Variants in NCKAP5 observed in about 807,000 individuals in gnomAD.
NCKAP5 encodes NCK associated protein 5, also known as nck-associated protein 5.
A neutral mutation model predicts 167.0 loss-of-function variants in NCKAP5; 92 were observed. The ratio of observed to expected loss-of-function variants is 0.55; its 90% CI spans 0.47 to 0.66. The LOEUF is 0.66. Ranked by LOEUF, NCKAP5 falls within the 30% of genes least tolerant of loss-of-function variation. The pLI, the probability that NCKAP5 is intolerant of heterozygous loss-of-function variation, is 0.00. For missense variants in NCKAP5, 2,378 were observed against 2,315.0 expected (o/e 1.03, Z -0.56); for synonymous variants, 891 against 877.4 (o/e 1.02, Z -0.27).
chr2:133,181,569 C>T (rs1325957996), intron 5 of NCKAP5, among the ~76,000 whole-genome samples: 1 of 141,038 alleles, frequency 7.1e-6, no homozygotes, highest in Non-Finnish European at 1.5e-5. Context: ...GGGTTCAGGG[C>T]CAGCCTCAGC....
At chr2:132,879,005 C>T in intron 8 of NCKAP5, 89 bp from the exon 9 acceptor site, 1 of 988,598 alleles carries the variant, frequency 1.0e-6, no homozygotes, top group South Asian at 1.3e-5. Context: ...AAATATATCT[C>T]CTCGTGATCC....
At chr2:133,599,270 A>AG in the NCKAP5 span, among the ~76,000 whole-genome samples, 1 of 152,318 alleles carries the variant, frequency 6.6e-6, no homozygotes, top group East Asian at 1.9e-4. Context: ...TGACAGTGAC[A>AG]TCCTAGAAGG....
intron 8 of NCKAP5, among the ~76,000 whole-genome samples, chr2:132,959,030 A>G: frequency 6.8e-6 from 1 of 147,584 alleles, no homozygotes; most frequent in East Asian, 1.9e-4. Context: ...TAATATATTT[A>G]CTATTATTAA....
chr2:133,519,367 A>T (rs1279679703), intron 2 of NCKAP5, among the ~76,000 whole-genome samples: 5 of 152,252 alleles, frequency 3.3e-5, no homozygotes, highest in African/African-American at 1.2e-4. Context: ...AGTATTTTTC[A>T]GAAAAGAAGT....
chr2:133,273,293 C>G (rs527947594), intron 4 of NCKAP5, among the ~76,000 whole-genome samples: 2 of 152,054 alleles, frequency 1.3e-5, no homozygotes, highest in Admixed American at 1.3e-4. Flanking sequence ...TGGCTAATGA[C>G]GTTCAGTATC....
At chr2:133,280,581 G>A (rs2150461070) in intron 4 of NCKAP5, among the ~76,000 whole-genome samples, 1 of 152,190 alleles carries the variant, frequency 6.6e-6, no homozygotes, top group East Asian at 1.9e-4. Context: ...GGATGGCTTA[G>A]AAGGACATGG....
intron 19 of NCKAP5, among the ~76,000 whole-genome samples, chr2:132,678,099 C>A (rs959321605): frequency 2.6e-5 from 4 of 151,820 alleles, no homozygotes; most frequent in Admixed American, 1.3e-4. Context: ...AGATATGGAC[C>A]CTTGCCATAA....
chr2:133,610,316 G>C, the NCKAP5 span, among the ~76,000 whole-genome samples: 1 of 152,100 alleles, frequency 6.6e-6, no homozygotes, highest in Admixed American at 6.6e-5. Flanking sequence ...CAATAAACTG[G>C]GCTCAGATGA....
At chr2:132,707,431 G>A in intron 19 of NCKAP5, among the ~76,000 whole-genome samples, 1 of 152,326 alleles carries the variant, frequency 6.6e-6, no homozygotes, top group East Asian at 1.9e-4. Flanking sequence ...GGCAGTCTGG[G>A]CCTCAAGGAC....
Position 133,524,203 on chromosome 2 carries a change from G to T in NCKAP5, c.-61-6616C>A, listed in dbSNP as rs563190937. ...TGGAACACCAGTTTAGGAAGGTGAA[G>T]ATGTCAGTCTTTTCTTGATCTCCGT... is the stretch of plus-strand genomic sequence containing the variant. On this transcript the variant is annotated intron_variant, in intron 2 of 19. Transcript: ENST00000409261. Among the ~76,000 whole-genome samples, 129 of 152,266 alleles carry T rather than the reference G, an allele frequency of 8.5e-4. 1 individual carries two copies. Among genetic ancestry groups the T allele is most frequent in the African/African-American group, 2.9e-3 (121 of 41,548 alleles).
chr2:133,605,358 T>C, the NCKAP5 span, among the ~76,000 whole-genome samples: 1 of 152,152 alleles, frequency 6.6e-6, no homozygotes, highest in Non-Finnish European at 1.5e-5. Context: ...TTGTGTGGTC[T>C]GGGGAGGGCA....
rs114750057 is a variant in NCKAP5 at position 133,381,296 on chromosome 2, A to G, written c.70-78186T>C. On this transcript the variant is annotated intron_variant, in intron 3 of 19. Coordinates refer to ENST00000409261, the MANE Select transcript of NCKAP5 (RefSeq NM_207363.3). ...ACCAGAATCCTTCTCAATGGATATC[A>G]CAGGTACTCATGTCTCATGAATCAA... Among the ~76,000 whole-genome samples, 349 of 152,312 alleles carry G rather than the reference A, an allele frequency of 2.3e-3. 3 individuals are homozygous for G. Among genetic ancestry groups the G allele is most frequent in the African/African-American group, 7.6e-3 (315 of 41,574 alleles).
intron 7 of NCKAP5, among the ~76,000 whole-genome samples, chr2:132,989,121 G>A (rs1255558238): frequency 6.6e-6 from 1 of 152,198 alleles, no homozygotes; most frequent in East Asian, 1.9e-4. Context: ...AGTGCAGAAG[G>A]TAGCTATGGA....
intron 4 of NCKAP5, among the ~76,000 whole-genome samples, chr2:133,223,268 A>C (rs899211752): frequency 1.3e-5 from 2 of 152,190 alleles, no homozygotes; most frequent in Non-Finnish European, 2.9e-5. Flanking sequence ...AGAAGATTCA[A>C]TTAATCATCA....
chr2:132,794,245 TATATATATATATATATATAGAGAGAG>T (rs1237775383), intron 12 of NCKAP5, among the ~76,000 whole-genome samples: 38 of 59,888 alleles, frequency 6.3e-4, no homozygotes, highest in African/African-American at 2.3e-3. Context: ...TATATATATA[TATATATATATATATATATAGAGAGAG>T]AGAGAGAGAG....
chr2:133,517,888 C>A (rs931022487), intron 2 of NCKAP5, among the ~76,000 whole-genome samples: 2 of 152,158 alleles, frequency 1.3e-5, no homozygotes, highest in African/African-American at 4.8e-5. Flanking sequence ...TTGCTCCACA[C>A]CCGTCCTCTC....
intron 6 of NCKAP5, among the ~76,000 whole-genome samples, chr2:133,004,142 A>G (rs75006676): frequency 0.01 from 1,525 of 152,328 alleles, 28 homozygotes; most frequent in African/African-American, 0.035. Context: ...GGGAGAAAGA[A>G]TATCTCACAT....
At chr2:132,725,542 G>A in intron 19 of NCKAP5, 85 bp downstream of exon 19, 1 of 1,444,550 alleles carries the variant, frequency 6.9e-7, no homozygotes, top group South Asian at 1.5e-5. Context: ...ATCAAAGAGG[G>A]TGGGGGCCGA....
At chr2:133,605,776 T>C in the NCKAP5 span, among the ~76,000 whole-genome samples, 2 of 152,214 alleles carry the variant, frequency 1.3e-5, no homozygotes, top group East Asian at 1.9e-4. Context: ...GAACCAAGTG[T>C]TACAAATGTA....
Sources: allele counts gnomAD v4.1 joint callset (sites outside exome capture counted in the v4.1 genomes callset), GRCh38; gene constraint gnomAD v4.1.1; transcripts MANE v1.5; gene names NCBI Gene and HGNC (gene_info 2026-07-23, HGNC 2026-07-21).